Variants in HSD17B12 observed in about 807,000 individuals in gnomAD.
HSD17B12 encodes the protein very-long-chain 3-oxoacyl-CoA reductase.
HSD17B12 carries 32 observed loss-of-function variants against 39.3 expected under a neutral mutation model. The ratio of observed to expected loss-of-function variants is 0.81; its 90% CI spans 0.61 to 1.09. HSD17B12 has a LOEUF of 1.09. HSD17B12 is among the 50% of genes least tolerant of loss of function. The pLI is 0.00. For missense variants in HSD17B12, 342 were observed against 382.9 expected, an observed-to-expected ratio of 0.89 and a Z score of 0.89; for synonymous variants, 150 against 146.7, an observed-to-expected ratio of 1.02 and a Z score of -0.16.
At chr11:43,764,620 A>T (rs1206365396) in intron 3 of HSD17B12, among the ~76,000 whole-genome samples, 1 of 152,154 alleles carries the variant, frequency 6.6e-6, no homozygotes, top group Non-Finnish European at 1.5e-5. Flanking sequence ...AGGTGTATTA[A>T]CATTTAGAGT....
At chr11:43,785,543 A>G (rs1044319945) in intron 3 of HSD17B12, among the ~76,000 whole-genome samples, 4 of 152,194 alleles carry the variant, frequency 2.6e-5, no homozygotes, top group Admixed American at 1.3e-4. Flanking sequence ...TTAGATTTGC[A>G]TATCTACTTC....
At chr11:43,819,768 A>G (rs541665771) in intron 6 of HSD17B12, among the ~76,000 whole-genome samples, 1 of 152,172 alleles carries the variant, frequency 6.6e-6, no homozygotes, top group Non-Finnish European at 1.5e-5. Context: ...ATATCTACTT[A>G]CAATTTTTAT....
At chr11:43,604,228 A>C in the HSD17B12 span, among the ~76,000 whole-genome samples, 24 of 152,284 alleles carry the variant, frequency 1.6e-4, no homozygotes, top group South Asian at 4.8e-3. Flanking sequence ...CTTCTTTCAA[A>C]TGATTGAGAA....
chr11:43,798,836 T>A (rs1455074047), intron 4 of HSD17B12, among the ~76,000 whole-genome samples: 1 of 152,198 alleles, frequency 6.6e-6, no homozygotes, highest in African/African-American at 2.4e-5. Context: ...AAACAATGCC[T>A]ACACATCACT....
At chr11:43,673,004 A>T in the HSD17B12 span, 1 of 152,218 alleles carries the variant, frequency 6.6e-6, no homozygotes, top group Admixed American at 6.5e-5. Flanking sequence ...TGGACAACTG[A>T]ATTTAAAGGC....
At chr11:43,624,057 G>GA in the HSD17B12 span, among the ~76,000 whole-genome samples, 39,235 of 150,966 alleles carry the variant, frequency 0.26, 5,338 homozygotes, top group Middle Eastern at 0.33. Flanking sequence ...TAATTCAAAG[G>GA]AAAAAAAAAT....
the HSD17B12 span, among the ~76,000 whole-genome samples, chr11:43,605,993 G>A: frequency 2.0e-5 from 3 of 152,138 alleles, no homozygotes; most frequent in Non-Finnish European, 4.4e-5. Flanking sequence ...AGGATTATTG[G>A]CAACACAGAG....
At chr11:43,702,618 G>A (rs11037572) in intron 1 of HSD17B12, among the ~76,000 whole-genome samples, 74,406 of 151,790 alleles carry the variant, frequency 0.49, 18,668 homozygotes, top group Non-Finnish European at 0.53. Flanking sequence ...ATGATGTATC[G>A]CATTCATTGA....
intron 6 of HSD17B12, chr11:43,830,735 A>T (rs1019854282): frequency 6.4e-6 from 2 of 314,334 alleles, no homozygotes; most frequent in Admixed American, 5.0e-5. Flanking sequence ...TTCAGGCAAG[A>T]CTAATTTTAG....
chr11:43,706,956 T>A (rs1457048303), intron 1 of HSD17B12, among the ~76,000 whole-genome samples: 3 of 152,158 alleles, frequency 2.0e-5, no homozygotes, highest in Non-Finnish European at 4.4e-5. Flanking sequence ...TTTGTTATAT[T>A]TTTATATTAC....
intron 1 of HSD17B12, among the ~76,000 whole-genome samples, chr11:43,691,173 A>T (rs1467126482): frequency 6.6e-6 from 1 of 152,184 alleles, no homozygotes; most frequent in East Asian, 1.9e-4. Flanking sequence ...GCAAATTCTG[A>T]TGCCTCAGGC....
the HSD17B12 span, among the ~76,000 whole-genome samples, chr11:43,575,358 G>A: frequency 6.6e-6 from 1 of 152,242 alleles, no homozygotes; most frequent in East Asian, 1.9e-4. The surrounding 1 kb of genome is among the most constrained non-coding windows in gnomAD (Gnocchi z 4.1). Context: ...CGAGGAGCCG[G>A]GGCTATCTGC....
At chr11:43,730,365 A>G (rs935577603) in intron 1 of HSD17B12, among the ~76,000 whole-genome samples, 1 of 152,150 alleles carries the variant, frequency 6.6e-6, no homozygotes, top group Non-Finnish European at 1.5e-5. Flanking sequence ...CTGAGTGTTC[A>G]TTTTGAAAAG....
rs150443828 is a variant in HSD17B12 at position 43,789,953 on chromosome 11, G to A, written c.284-8367G>A. ...TCCCACTGCCCACTGCCTCCCCCCC[G>A]CAAAAAAGAGAGAGAAGCGTGACTG... On this transcript the variant is annotated intron_variant, in intron 3 of 10. Transcript: ENST00000278353. 4.6e-5 allele frequency among the ~76,000 whole-genome samples: 7 copies of A among 152,064 alleles called. No individual in the cohort carries two copies. In the South Asian group the frequency reaches 6.2e-4, roughly 14 times the overall value.
intron 3 of HSD17B12, among the ~76,000 whole-genome samples, chr11:43,795,503 T>C (rs1950908420): frequency 6.6e-6 from 1 of 152,216 alleles, no homozygotes; most frequent in Admixed American, 6.5e-5. Flanking sequence ...CACCCAACCA[T>C]GTCCCTGGTC....
At chr11:43,622,455 T>TAAAAC in the HSD17B12 span, among the ~76,000 whole-genome samples, 1 of 151,930 alleles carries the variant, frequency 6.6e-6, no homozygotes, top group African/African-American at 2.4e-5. Flanking sequence ...TAAAATAAAA[T>TAAAAC]AAAATAAATT....
the HSD17B12 span, among the ~76,000 whole-genome samples, chr11:43,588,274 C>A: frequency 6.6e-6 from 1 of 152,300 alleles, no homozygotes; most frequent in Non-Finnish European, 1.5e-5. Context: ...GTGGAAGTCA[C>A]TGCTAGGAGA....
At chr11:43,591,823 G>A in the HSD17B12 span, among the ~76,000 whole-genome samples, 10 of 151,868 alleles carry the variant, frequency 6.6e-5, no homozygotes, top group African/African-American at 2.4e-4. Context: ...ATCTAAGAAG[G>A]TATTTTATTT....
At chr11:43,609,486 C>G in the HSD17B12 span, among the ~76,000 whole-genome samples, 1 of 151,872 alleles carries the variant, frequency 6.6e-6, no homozygotes, top group Non-Finnish European at 1.5e-5. Flanking sequence ...CCATCTCAGC[C>G]TCCCAAGTAA....
Sources: gnomAD v4.1 joint callset for allele counts (sites outside exome capture counted in the v4.1 genomes callset) on GRCh38, gnomAD v4.1.1 for gene constraint, Gnocchi (gnomAD v3.1) non-coding constraint, MANE v1.5 for transcripts, NCBI Gene and HGNC (gene_info 2026-07-23, HGNC 2026-07-21) for gene names.